COBL: variants seen among roughly 807,000 people sequenced by gnomAD.
COBL encodes the protein cordon-bleu WH2 repeat protein.
A neutral mutation model predicts 98.8 loss-of-function variants in COBL; 51 were observed. The ratio of observed to expected loss-of-function variants is 0.52; its 90% CI spans 0.41 to 0.65. The LOEUF is 0.65. Ranked by LOEUF, COBL falls within the 30% of genes least tolerant of loss-of-function variation. COBL has a pLI of 0.00. For synonymous variants in COBL, 634 were observed against 651.7 expected (o/e 0.97, Z 0.41); for missense variants, 1,617 against 1,617.5 (o/e 1.00, Z 0.01).
chr7:51,115,526 T>G (rs1358000523), intron 6 of COBL, among the ~76,000 whole-genome samples: 1 of 152,164 alleles, frequency 6.6e-6, no homozygotes, highest in Non-Finnish European at 1.5e-5. Context: ...TTTTTTGACT[T>G]AGATTACTTA....
rs1054594669 is a variant in COBL, at chr7:51,261,733, G to A, written c.42-41789C>T. On this transcript the variant is annotated intron_variant, in intron 1 of 12. Transcript: ENST00000265136. ...TGTAGTCCCAGCACTTTGAGAGGCC[G>A]AAGTAGGCGGATCACCTGAGGTCAG... Among the ~76,000 whole-genome samples the A allele has an allele frequency of 5.3e-5, 8 of 152,236 alleles. No individual in the cohort carries two copies. The East Asian group carries it at 7.7e-4, about 15-fold the overall frequency.
At chr7:51,143,749 T>C (rs558830564) in intron 5 of COBL, among the ~76,000 whole-genome samples, 1 of 152,340 alleles carries the variant, frequency 6.6e-6, no homozygotes, top group Admixed American at 6.5e-5. Flanking sequence ...AACTGAGTCA[T>C]GAGTGGAGGA....
chr7:51,216,639 A>G (rs142304629), intron 2 of COBL, among the ~76,000 whole-genome samples: 6 of 152,262 alleles, frequency 3.9e-5, no homozygotes, highest in African/African-American at 1.2e-4. Context: ...ACAGACTTCA[A>G]CTTTTATTTA....
intron 2 of COBL, among the ~76,000 whole-genome samples, chr7:51,217,915 G>A (rs1352701595): frequency 2.0e-5 from 3 of 152,314 alleles, no homozygotes; most frequent in African/African-American, 4.8e-5. Flanking sequence ...TCGAACTGCC[G>A]CAAGAGATAG....
intron 8 of COBL, chr7:51,033,370 T>C (rs1218346596): frequency 6.6e-6 from 1 of 152,252 alleles, no homozygotes. Context: ...GTAAGAATTC[T>C]AGAAATGTCC....
At chr7:51,248,071 G>C (rs1345822202) in intron 1 of COBL, among the ~76,000 whole-genome samples, 1 of 151,864 alleles carries the variant, frequency 6.6e-6, no homozygotes, top group Non-Finnish European at 1.5e-5. Flanking sequence ...TCAGGGAGGG[G>C]GAGGCTGCAG....
rs1296948244 is a variant in COBL at position 51,017,385 on chromosome 7, C to G, written c.*166G>C. The G allele has an allele frequency of 1.5e-6, 1 of 687,050 alleles. No individual in the cohort carries two copies. 42.6% of individuals were successfully genotyped at this position (687,050 alleles called of 1,614,324 possible). A position where few individuals can be genotyped will look rare whatever the true frequency, so the allele number is the denominator to read the frequency against. On this transcript the variant is annotated 3_prime_UTR_variant, in exon 13 of 13. Transcript: ENST00000265136. Reference sequence around the variant, plus strand: ...CAGCGACACAGCATCTTCTCCTTTCCTTTCAAGCCGTTATACAGGAACACA... The same window carrying G: ...CAGCGACACAGCATCTTCTCCTTTCGTTTCAAGCCGTTATACAGGAACACA...
At chr7:51,094,668 T>G (rs956204879) in intron 6 of COBL, among the ~76,000 whole-genome samples, 1 of 152,140 alleles carries the variant, frequency 6.6e-6, no homozygotes, top group African/African-American at 2.4e-5. Context: ...CATGAAAGCA[T>G]ATGAATATAT....
At chr7:51,236,546 T>G (rs1393325625) in intron 1 of COBL, among the ~76,000 whole-genome samples, 1 of 152,144 alleles carries the variant, frequency 6.6e-6, no homozygotes, top group East Asian at 1.9e-4. Flanking sequence ...CACTTTTTAT[T>G]GCTTGGTGTT....
At chr7:51,046,268 G>C (rs1026788500) in intron 7 of COBL, among the ~76,000 whole-genome samples, 7 of 152,142 alleles carry the variant, frequency 4.6e-5, no homozygotes, top group African/African-American at 1.4e-4. Context: ...GGTGGGGCAG[G>C]GTGTGGCCAA....
rs774100799 is a variant in COBL, at chr7:51,025,339, A to T, written c.3538T>A (p.Phe1180Ile). ...TGAGCAGAGAGTGCGGCATCTCGGA[A>T]GCTCTGGAGCTCCTCAGAAGCAGAG... is the stretch of plus-strand genomic sequence containing the variant. ...ASSASEELQS[F>I]RDAALSAQGS... The change falls in exon 12 of 13, where the codon TTC becomes ATC. Residue 1180 changes from phenylalanine (F) to isoleucine (I), a missense_variant. By Grantham distance (21) the Phe-to-Ile change is conservative (BLOSUM62 0). Around this residue, in one of 3 missense-constraint regions of COBL, gnomAD observed 1,304 missense variants for 1,282.0 expected, o/e 1.02. Coordinates refer to ENST00000265136, the MANE Select transcript of COBL (RefSeq NM_015198.5). The T allele has an allele frequency of 4.1e-5, 66 of 1,613,358 alleles. No individual in the cohort carries two copies. The East Asian group carries it at 1.4e-3, about 35-fold the overall frequency.
At chr7:51,285,842 C>T (rs1584405905) in intron 1 of COBL, among the ~76,000 whole-genome samples, 1 of 152,138 alleles carries the variant, frequency 6.6e-6, no homozygotes, top group South Asian at 2.1e-4. Flanking sequence ...TTAAGACTTA[C>T]TATAAAGCTA....
intron 7 of COBL, among the ~76,000 whole-genome samples, chr7:51,074,819 G>A (rs2128927485): frequency 6.6e-6 from 1 of 152,174 alleles, no homozygotes; most frequent in Non-Finnish European, 1.5e-5. Context: ...GCTCTTTGGA[G>A]GAAAAAGGTA....
At chr7:51,055,665 C>T (rs1288029052) in intron 7 of COBL, among the ~76,000 whole-genome samples, 2 of 152,194 alleles carry the variant, frequency 1.3e-5, no homozygotes, top group African/African-American at 2.4e-5. Context: ...CCAGGTGTTG[C>T]TGCTGCCGGC....
At chr7:51,074,452 C>T (rs1792871788) in intron 7 of COBL, among the ~76,000 whole-genome samples, 1 of 152,102 alleles carries the variant, frequency 6.6e-6, no homozygotes, top group Non-Finnish European at 1.5e-5. Flanking sequence ...CCTCAGCCTC[C>T]CAAAGTGCTG....
At chr7:51,085,043 C>T in intron 7 of COBL, 123 bp downstream of exon 7, 1 of 1,366,536 alleles carries the variant, frequency 7.3e-7, no homozygotes, top group Non-Finnish European at 1.0e-6. Flanking sequence ...CTTTCTTTAG[C>T]ATTAATATTT....
At chr7:51,264,488 T>G (rs1309042510) in intron 1 of COBL, among the ~76,000 whole-genome samples, 1 of 151,556 alleles carries the variant, frequency 6.6e-6, no homozygotes, top group Non-Finnish European at 1.5e-5. Flanking sequence ...CTGGTCAACA[T>G]GGCAAAACCC....
At chr7:51,065,618 T>G (rs1390053926) in intron 7 of COBL, among the ~76,000 whole-genome samples, 1 of 152,214 alleles carries the variant, frequency 6.6e-6, no homozygotes, top group Admixed American at 6.5e-5. Context: ...GGCCAAGCCC[T>G]GGAGTCAGAG....
At chr7:51,020,992 A>G (rs990150351) in intron 12 of COBL, 2 of 152,184 alleles carry the variant, frequency 1.3e-5, no homozygotes, top group Admixed American at 1.3e-4. Flanking sequence ...CAATCACCCA[A>G]TTTGCCTGCG....
Sources: allele counts gnomAD v4.1 joint callset (sites outside exome capture counted in the v4.1 genomes callset), GRCh38; gene constraint gnomAD v4.1.1; regional missense constraint gnomAD v4.1.1; transcripts MANE v1.5; gene names NCBI Gene and HGNC (gene_info 2026-07-23, HGNC 2026-07-21).